The following MINDY4 variants were observed in gnomAD, a reference collection of about 807,000 sequenced individuals.
The protein encoded by MINDY4 is MINDY lysine 48 deubiquitinase 4.
MINDY4 carries 68 observed loss-of-function variants against 87.0 expected under a neutral mutation model. That is an observed-to-expected ratio of 0.78 (90% confidence interval 0.64 to 0.96). The LOEUF is 0.96. MINDY4 is among the 40% of genes least tolerant of loss of function. MINDY4 has a pLI of 0.00. For missense variants in MINDY4, 919 were observed against 928.2 expected (o/e 0.99, Z 0.13); for synonymous variants, 379 against 363.2 (o/e 1.04, Z -0.50).
chr7:30,842,112 T>G (rs931349937), intron 9 of MINDY4, among the ~76,000 whole-genome samples: 10 of 152,200 alleles, frequency 6.6e-5, no homozygotes, highest in African/African-American at 2.4e-4. Flanking sequence ...ATCTTAAAAT[T>G]TTTTCCAATG....
chr7:30,887,014 G>A (rs1392003750), intron 17 of MINDY4, among the ~76,000 whole-genome samples: 2 of 152,174 alleles, frequency 1.3e-5, no homozygotes, highest in East Asian at 1.9e-4. Flanking sequence ...ACTCATAACC[G>A]GAGCCTGGGG....
intron 5 of MINDY4, among the ~76,000 whole-genome samples, chr7:30,796,259 C>G (rs1028861908): frequency 1.4e-4 from 22 of 152,048 alleles, no homozygotes; most frequent in Admixed American, 1.0e-3. Flanking sequence ...TCTTTTTTAT[C>G]TGGACCTTGT....
At chr7:30,826,649 G>A (rs1788522208) in intron 5 of MINDY4, among the ~76,000 whole-genome samples, 1 of 152,224 alleles carries the variant, frequency 6.6e-6, no homozygotes, top group African/African-American at 2.4e-5. Flanking sequence ...TTATAAGGAA[G>A]CAGTAAATGT....
intron 9 of MINDY4, among the ~76,000 whole-genome samples, chr7:30,843,341 A>G (rs1186203728): frequency 6.6e-6 from 1 of 152,124 alleles, no homozygotes; most frequent in Non-Finnish European, 1.5e-5. Context: ...GAGCTGGGGT[A>G]GTGGCAGGTC....
intron 5 of MINDY4, among the ~76,000 whole-genome samples, chr7:30,807,272 T>C (rs1562537240): frequency 6.6e-6 from 1 of 152,156 alleles, no homozygotes; most frequent in South Asian, 2.1e-4. Context: ...AATGATCTTA[T>C]AAGGGCATTT....
chr7:30,853,803 A>G (rs1789489474), intron 12 of MINDY4, among the ~76,000 whole-genome samples: 1 of 152,180 alleles, frequency 6.6e-6, no homozygotes, highest in African/African-American at 2.4e-5. Context: ...GTCTGAGTGG[A>G]AGCAGCCGCC....
chr7:30,791,405 G>T lies in MINDY4; in HGVS notation c.904G>T (p.Asp302Tyr), dbSNP rs749022893. The T allele has an allele frequency of 6.8e-6, 11 of 1,614,122 alleles. No individual in the cohort carries two copies. The highest frequency in any genetic ancestry group is 2.2e-5 in the South Asian group (2 of 91,074). Residue 302 changes from aspartate (D) to tyrosine (Y), a missense_variant, in exon 5 of 18, where the codon GAC becomes TAC. Transcript: ENST00000265299. ...HLPSKRLPPW[D>Y]RARPRDPSED... ...GCCCAGCAAACGGCTGCCCCCATGGGACAGGGCCAGGCCGAGGGATCCCTC... is the reference window on the plus strand; with the variant it reads ...GCCCAGCAAACGGCTGCCCCCATGGTACAGGGCCAGGCCGAGGGATCCCTC...
intron 5 of MINDY4, among the ~76,000 whole-genome samples, chr7:30,794,999 C>A (rs1276765195): frequency 1.3e-5 from 2 of 152,186 alleles, no homozygotes; most frequent in Admixed American, 6.5e-5. Flanking sequence ...TTTTTACTTA[C>A]AACCCCCCAG....
intron 5 of MINDY4, among the ~76,000 whole-genome samples, chr7:30,812,959 T>G (rs1181019259): frequency 6.6e-6 from 1 of 152,240 alleles, no homozygotes; most frequent in Non-Finnish European, 1.5e-5. Context: ...CAGATACCTT[T>G]GGTCAGCGCT....
chr7:30,799,733 C>T (rs1166929785), intron 5 of MINDY4, among the ~76,000 whole-genome samples: 5 of 152,170 alleles, frequency 3.3e-5, no homozygotes, highest in African/African-American at 4.8e-5. Flanking sequence ...TGATGTCATG[C>T]GTGTCAAGCT....
chr7:30,870,987 GC>G (rs1172492906), intron 13 of MINDY4, among the ~76,000 whole-genome samples: 1 of 150,858 alleles, frequency 6.6e-6, no homozygotes, highest in Non-Finnish European at 1.5e-5. Flanking sequence ...GGTAATGTGT[GC>G]CCCCCAGGGT....
intron 13 of MINDY4, among the ~76,000 whole-genome samples, chr7:30,862,279 G>A (rs559698439): frequency 1.3e-3 from 198 of 152,378 alleles, no homozygotes; most frequent in African/African-American, 4.3e-3. Flanking sequence ...GATGGGAATA[G>A]CCCGGGCAGT....
At position 30,781,974 on chromosome 7, in the gene MINDY4, T is replaced by A. The variant is rs1787019398; in HGVS notation, c.184-3T>A. 1 of 1,607,534 alleles carries A rather than the reference T, an allele frequency of 6.2e-7. No individual in the cohort carries two copies. ...ATGATTTTTTTTTCTCTCCCAATGA[T>A]AGGCAAAGGAAAATCCTCTAAAAAC... On this transcript the variant is annotated splice_polypyrimidine_tract_variant and splice_region_variant and intron_variant, in intron 2 of 17. Coordinates refer to ENST00000265299, the MANE Select transcript of MINDY4 (RefSeq NM_032222.3).
chr7:30,838,147 G>A (rs1018739703), intron 7 of MINDY4, among the ~76,000 whole-genome samples: 13 of 152,166 alleles, frequency 8.5e-5, no homozygotes, highest in Non-Finnish European at 1.9e-4. Flanking sequence ...GGCCCATCAT[G>A]AGGGGAGTGG....
chr7:30,778,889 A>G (rs936374167), intron 2 of MINDY4, among the ~76,000 whole-genome samples: 9 of 152,236 alleles, frequency 5.9e-5, no homozygotes, highest in African/African-American at 2.2e-4. Context: ...ACTTAAGAAT[A>G]TCGTATCCAG....
chr7:30,849,622 C>T (rs1348466953), intron 9 of MINDY4, among the ~76,000 whole-genome samples: 1 of 152,164 alleles, frequency 6.6e-6, no homozygotes, highest in Non-Finnish European at 1.5e-5. Context: ...CCCCTCTGAC[C>T]CTTCTTCCTC....
intron 17 of MINDY4, among the ~76,000 whole-genome samples, chr7:30,883,395 A>C (rs1036457894): frequency 6.6e-6 from 1 of 152,066 alleles, no homozygotes; most frequent in African/African-American, 2.4e-5. Flanking sequence ...GGCCTGGCCC[A>C]GCCTGGGGGT....
chr7:30,866,499 G>C (rs1161318923), intron 13 of MINDY4, among the ~76,000 whole-genome samples: 2 of 152,210 alleles, frequency 1.3e-5, no homozygotes, highest in Non-Finnish European at 2.9e-5. Flanking sequence ...CACCTGCGGG[G>C]TCTGGAGACC....
At chr7:30,868,923 G>A (rs62449127) in intron 13 of MINDY4, among the ~76,000 whole-genome samples, 8,031 of 152,222 alleles carry the variant, frequency 0.053, 347 homozygotes, top group Middle Eastern at 0.075. Flanking sequence ...TTGGTGTCAG[G>A]GCAGCCAGGG....
Sources: gnomAD v4.1 joint callset for allele counts (sites outside exome capture counted in the v4.1 genomes callset) on GRCh38, gnomAD v4.1.1 for gene constraint, MANE v1.5 for transcripts, NCBI Gene and HGNC (gene_info 2026-07-23, HGNC 2026-07-21) for gene names.